The following SHISA9 variants were observed in gnomAD, a reference collection of about 807,000 sequenced individuals.
SHISA9 encodes shisa family member 9, also known as protein shisa-9.
Under a neutral mutation model 38.0 loss-of-function variants are expected in SHISA9, and 13 were observed. That is an observed-to-expected ratio of 0.34 (90% CI 0.22 to 0.54). The LOEUF is 0.54. SHISA9 is among the 20% of genes least tolerant of loss of function. The pLI, the probability that SHISA9 is intolerant of heterozygous loss-of-function variation, is 0.91. For synonymous variants in SHISA9, 275 were observed against 242.0 expected, an observed-to-expected ratio of 1.14 and a Z score of -1.27; for missense variants, 538 against 575.8, an observed-to-expected ratio of 0.93 and a Z score of 0.67.
the SHISA9 span, among the ~76,000 whole-genome samples, chr16:13,453,366 C>G: frequency 1.3e-5 from 2 of 152,234 alleles, no homozygotes; most frequent in Non-Finnish European, 2.9e-5. Context: ...CTGTAACTCC[C>G]TGGCTTGGAA....
chr16:13,379,430 G>A, the SHISA9 span, among the ~76,000 whole-genome samples: 4 of 152,138 alleles, frequency 2.6e-5, no homozygotes, highest in Non-Finnish European at 5.9e-5. Context: ...TCACGAAGAA[G>A]GAGCAACTCC....
the SHISA9 span, among the ~76,000 whole-genome samples, chr16:13,339,824 ACACTATTTAGAT>A: frequency 9.2e-5 from 14 of 152,294 alleles, no homozygotes; most frequent in Non-Finnish European, 1.8e-4. Flanking sequence ...GGAGATAATA[ACACTATTTAGAT>A]CTTAGATTGT....
the SHISA9 span, among the ~76,000 whole-genome samples, chr16:13,481,499 A>G: frequency 6.6e-6 from 1 of 152,188 alleles, no homozygotes; most frequent in Non-Finnish European, 1.5e-5. Flanking sequence ...GTAGAGGTGC[A>G]TCCCCTCTGC....
the SHISA9 span, among the ~76,000 whole-genome samples, chr16:13,255,544 G>T: frequency 1.3e-5 from 2 of 152,184 alleles, no homozygotes; most frequent in Non-Finnish European, 2.9e-5. Flanking sequence ...TTCAAGTTCA[G>T]AAGGCAGAAG....
the SHISA9 span, among the ~76,000 whole-genome samples, chr16:13,273,107 A>C: frequency 0.66 from 99,900 of 151,998 alleles, 33,058 homozygotes; most frequent in African/African-American, 0.73. Flanking sequence ...CTTCACCTGC[A>C]ATTAGCTGTG....
chr16:13,530,589 AT>A, the SHISA9 span, among the ~76,000 whole-genome samples: 4 of 152,120 alleles, frequency 2.6e-5, no homozygotes, highest in Admixed American at 6.5e-5. Context: ...AGAGCTAATC[AT>A]TTTTTTGTGC....
At chr16:13,079,994 C>T (rs1184452257) in intron 2 of SHISA9, among the ~76,000 whole-genome samples, 1 of 152,088 alleles carries the variant, frequency 6.6e-6, no homozygotes, top group African/African-American at 2.4e-5. Flanking sequence ...ATATTGAATG[C>T]CTTTGAGAAG....
chr16:12,970,389 G>GTATA (rs143875033), intron 2 of SHISA9, among the ~76,000 whole-genome samples: 13 of 34,710 alleles, frequency 3.7e-4, no homozygotes, highest in Non-Finnish European at 5.7e-4. Context: ...ATACATATAT[G>GTATA]TATATATATA....
chr16:12,948,370 A>G (rs2071713441), intron 2 of SHISA9, among the ~76,000 whole-genome samples: 1 of 152,228 alleles, frequency 6.6e-6, no homozygotes, highest in Admixed American at 6.5e-5. Flanking sequence ...ACTGGAAAAT[A>G]CAGAATGGTA....
the SHISA9 span, among the ~76,000 whole-genome samples, chr16:13,398,113 G>A: frequency 2.0e-5 from 3 of 152,170 alleles, no homozygotes; most frequent in Non-Finnish European, 2.9e-5. Flanking sequence ...TAGTCCAGCC[G>A]CTTGTGTCTC....
intron 1 of SHISA9, among the ~76,000 whole-genome samples, chr16:12,903,476 C>T (rs1247254013): frequency 2.0e-5 from 3 of 152,008 alleles, no homozygotes; most frequent in Admixed American, 2.0e-4. Flanking sequence ...TGGGAGAAGG[C>T]TTTGGGGGAT....
At chr16:12,915,200 C>A (rs1487732600) in intron 1 of SHISA9, among the ~76,000 whole-genome samples, 3 of 152,184 alleles carry the variant, frequency 2.0e-5, no homozygotes, top group African/African-American at 7.2e-5. Flanking sequence ...GTGGCTCGTG[C>A]TTGTAATCCC....
rs534033215 is a variant in SHISA9, at chr16:13,023,590, G to A, written c.691+106775G>A. Among the ~76,000 whole-genome samples, 363 of 152,246 alleles carry A rather than the reference G, an allele frequency of 2.4e-3. 1 individual carries two copies. Among genetic ancestry groups the A allele is most frequent in the African/African-American group, 8.1e-3 (337 of 41,544 alleles). ...TCTAGTTCTAGATCCCTGAGGAATCGCCACACTGTCTTCCACAATGGTTGA... is the reference window on the plus strand; with the variant it reads ...TCTAGTTCTAGATCCCTGAGGAATCACCACACTGTCTTCCACAATGGTTGA... On this transcript the variant is annotated intron_variant, in intron 2 of 4. Coordinates refer to ENST00000558583, the MANE Select transcript of SHISA9 (RefSeq NM_001145204.3).
At chr16:13,560,126 T>C in the SHISA9 span, among the ~76,000 whole-genome samples, 4 of 152,232 alleles carry the variant, frequency 2.6e-5, no homozygotes, top group Admixed American at 2.0e-4. Flanking sequence ...GGTAGCAGTT[T>C]TGCAGCTCTG....
the SHISA9 span, among the ~76,000 whole-genome samples, chr16:13,494,578 A>G: frequency 6.6e-6 from 1 of 152,258 alleles, no homozygotes; most frequent in South Asian, 2.1e-4. Flanking sequence ...GAAAGAGAAG[A>G]AAATTCTACA....
intron 2 of SHISA9, among the ~76,000 whole-genome samples, chr16:13,186,089 G>A (rs1248099671): frequency 1.3e-5 from 2 of 152,058 alleles, no homozygotes; most frequent in African/African-American, 4.8e-5. Flanking sequence ...GTGTCTCTGA[G>A]GCTTGTGACC....
intron 2 of SHISA9, among the ~76,000 whole-genome samples, chr16:13,094,703 G>T (rs79613138): frequency 0.021 from 3,186 of 152,166 alleles, 51 homozygotes; most frequent in Admixed American, 0.047. Context: ...TCTCCTGATT[G>T]GCCTGTAGAC....
At chr16:13,246,491 C>G in the SHISA9 span, 2 of 152,180 alleles carry the variant, frequency 1.3e-5, no homozygotes, top group African/African-American at 4.8e-5. Flanking sequence ...CTCATACATT[C>G]AGTCTCAGCC....
At chr16:12,913,353 C>A (rs1039494462) in intron 1 of SHISA9, among the ~76,000 whole-genome samples, 1 of 152,068 alleles carries the variant, frequency 6.6e-6, no homozygotes, top group Non-Finnish European at 1.5e-5. Flanking sequence ...CCCACCACCA[C>A]GCCCAGCTAA....
Sources: allele counts gnomAD v4.1 joint callset (sites outside exome capture counted in the v4.1 genomes callset), GRCh38; gene constraint gnomAD v4.1.1; transcripts MANE v1.5; gene names NCBI Gene and HGNC (gene_info 2026-07-23, HGNC 2026-07-21).